Variants in TWIST1 observed in about 807,000 individuals in gnomAD.
TWIST1 encodes the protein twist family bHLH transcription factor 1.
TWIST1 carries 8 observed loss-of-function variants against 12.9 expected under a neutral mutation model. The observed-to-expected ratio is 0.62, with a 90% CI of 0.37 to 1.12. TWIST1 has a LOEUF of 1.12. TWIST1 is among the 50% of genes most tolerant of loss of function. The pLI, the probability that TWIST1 is intolerant of heterozygous loss-of-function variation, is 0.02. For synonymous variants in TWIST1, 169 were observed against 138.7 expected, an observed-to-expected ratio of 1.22 and a Z score of -1.54; for missense variants, 268 against 299.7, an observed-to-expected ratio of 0.89 and a Z score of 0.78.
downstream of TWIST1, chr7:19,113,702 T>C (rs1191310394): frequency 6.6e-6 from 1 of 152,216 alleles, no homozygotes; most frequent in Non-Finnish European, 1.5e-5. Context: ...TTCAGATTAG[T>C]ATTTAATATT....
chr7:19,116,665 C>T lies in TWIST1; in HGVS notation c.*42+6G>A. On this transcript the variant is annotated splice_donor_region_variant and intron_variant, in intron 1 of 1. Coordinates refer to ENST00000242261, the MANE Select transcript of TWIST1 (RefSeq NM_000474.4). ...AGGCGAAGGGGTGCAGCGGCGCGGT[C>T]CTTACCTAGGTCTCCGGCCCTGCTG... is the stretch of plus-strand genomic sequence containing the variant. The T allele has an allele frequency of 6.4e-7, 1 of 1,555,192 alleles. No individual in the cohort carries two copies. The highest frequency in any genetic ancestry group is 2.4e-5 in the East Asian group (1 of 41,680).
At position 19,117,409 on chromosome 7, in the gene TWIST1, C is replaced by T; in HGVS notation, c.-88G>A. On this transcript the variant is annotated 5_prime_UTR_variant, in exon 1 of 2. Transcript: ENST00000242261. ...GCCCGCCAGCTTCCCCCGCGCGCGG[C>T]GCCGGCCCGGGCGATGCGGCCCGCG... 1 of 1,236,674 alleles carries T rather than the reference C, an allele frequency of 8.1e-7. No individual in the cohort carries two copies. The allele number at this position is 1,236,674 out of a possible 1,614,324, so 76.6% of individuals were successfully genotyped here. A position where few individuals can be genotyped will look rare whatever the true frequency, so the allele number is the denominator to read the frequency against.
chr7:19,117,579 C>A lies in TWIST1; in HGVS notation c.-258G>T. The A allele has an allele frequency of 9.0e-7, 1 of 1,107,388 alleles. No homozygotes were observed. The highest frequency in any genetic ancestry group is 1.1e-6 in the Non-Finnish European group (1 of 898,708). The allele number at this position is 1,107,388 out of a possible 1,614,324, so 68.6% of individuals were successfully genotyped here. A position where few individuals can be genotyped will look rare whatever the true frequency, so the allele number is the denominator to read the frequency against. On this transcript the variant is annotated 5_prime_UTR_variant, in exon 1 of 2. Transcript: ENST00000242261. The stretch of plus-strand genomic sequence containing the variant: ...GCGCCCAACGGCTGGACGCACACCC[C>A]GCCAGGCCTCCTGGAAACGGTGCCG...
In TWIST1 at chr7:19,117,034, G is replaced by A. The variant is rs1485367266; in HGVS notation, c.288C>T (p.Gly96=). ...CCTCGTAAGACTGCGGACTCCCGCC[G>A]CCGCTGCTGCTGCCGCCGCCGCCGC... is the stretch of plus-strand genomic sequence containing the variant. ...GAGGGGGSSS[G]GGSPQSYEEL... The change falls in exon 1 of 2, where the codon GGC becomes GGT. Residue 96 remains glycine, a synonymous_variant. Coordinates refer to ENST00000242261, the MANE Select transcript of TWIST1 (RefSeq NM_000474.4). The A allele has an allele frequency of 8.8e-6, 13 of 1,477,160 alleles. No homozygotes were observed. Among genetic ancestry groups the A allele is most frequent in the Non-Finnish European group, 1.2e-5 (13 of 1,126,510 alleles). The allele number at this position is 1,477,160 out of a possible 1,614,324, so 91.5% of individuals were successfully genotyped here.
chr7:19,115,056 C>G (rs1463374674), downstream of TWIST1, among the ~76,000 whole-genome samples: 5 of 152,042 alleles, frequency 3.3e-5, no homozygotes, highest in African/African-American at 4.8e-5. Context: ...TATGTTTTCA[C>G]TGAAAAGAAC....
At position 19,117,057 on chromosome 7, in the gene TWIST1, CG is replaced by C; in HGVS notation, c.264del (p.Gly89AlafsTer36). The C allele has an allele frequency of 7.1e-7, 1 of 1,407,156 alleles. No homozygotes were observed. The highest frequency in any genetic ancestry group is 9.2e-7 in the Non-Finnish European group (1 of 1,090,818). 87.2% of individuals were successfully genotyped at this position (1,407,156 alleles called of 1,614,324 possible). ...CCGCCGCTGCTGCTGCCGCCGCCGC[CG>C]CCCGCGCCGCCGCCGCCGCCACAGC... is the stretch of plus-strand genomic sequence containing the variant. ...SAGCGGGGGA[G>X]GGGGSSSGGG... is the part of the protein sequence containing the mutation. On this transcript the variant is annotated frameshift_variant, in exon 1 of 2. Transcript: ENST00000242261. LOFTEE classifies it high-confidence loss of function.
chr7:19,117,293 A>G lies in TWIST1; in HGVS notation c.29T>C (p.Val10Ala). Residue 10 changes from valine (V) to alanine (A), a missense_variant, in exon 1 of 2, where the codon GTC becomes GCC. Transcript: ENST00000242261. MMQDVSSSP[V>A]SPADDSLSNS... ...GCTCAGGCTGTCGTCGGCCGGCGAG[A>G]CTGGCGAGCTGGACACGTCCTGCAT... 1 of 1,475,568 alleles carries G rather than the reference A, an allele frequency of 6.8e-7. No homozygotes were observed. The highest frequency in any genetic ancestry group is 2.2e-5 in the Admixed American group (1 of 45,022). 91.4% of individuals were successfully genotyped at this position (1,475,568 alleles called of 1,614,324 possible).
chr7:19,114,950 C>T (rs565572232), downstream of TWIST1, among the ~76,000 whole-genome samples: 1 of 152,300 alleles, frequency 6.6e-6, no homozygotes, highest in Non-Finnish European at 1.5e-5. Flanking sequence ...AAGCAAATTA[C>T]AAATGGAATT....
At chr7:19,113,400 T>C (rs776467089), downstream of TWIST1, 5 of 152,218 alleles carry the variant, frequency 3.3e-5, no homozygotes, top group African/African-American at 1.2e-4. Flanking sequence ...CAAGAGGTAA[T>C]TCATTCTATG....
chr7:19,115,464 A>G (rs1322813113), downstream of TWIST1: 3 of 152,640 alleles, frequency 2.0e-5, no homozygotes, highest in Non-Finnish European at 4.4e-5. Context: ...ACCAAACTCT[A>G]AGGTTCTCTA....
chr7:19,113,301 C>CTT, downstream of TWIST1: 1 of 152,308 alleles, frequency 6.6e-6, no homozygotes, highest in South Asian at 2.1e-4. Flanking sequence ...TAATACAATA[C>CTT]TTTCCCCTAG....
In TWIST1 at chr7:19,116,923, C is replaced by T; in HGVS notation, c.399G>A (p.Lys133=). 6.2e-7 allele frequency: 1 copy of T among 1,614,068 alleles called. No individual in the cohort carries two copies. The highest frequency in any genetic ancestry group is 8.5e-7 in the Non-Finnish European group (1 of 1,179,970). Residue 133 remains lysine, a synonymous_variant, in exon 1 of 2, where the codon AAG becomes AAA. Transcript: ENST00000242261. ...TGTCCGAGGGCAGCGTGGGGATGAT[C>T]TTCCGCAGCGCGGCGAACGCCTCGT... The part of the protein sequence containing the change: ...SLNEAFAALR[K]IIPTLPSDKL...
At position 19,117,588 on chromosome 7, in the gene TWIST1, T is replaced by G. The variant is rs1788606290; in HGVS notation, c.-267A>C. 3 of 1,100,524 alleles carry G rather than the reference T, an allele frequency of 2.7e-6. No homozygotes were observed. In the Admixed American group the frequency reaches 1.6e-4, roughly 60 times the overall value. 68.2% of individuals were successfully genotyped at this position (1,100,524 alleles called of 1,614,324 possible). A position where few individuals can be genotyped will look rare whatever the true frequency, so the allele number is the denominator to read the frequency against. ...GGCTGGACGCACACCCCGCCAGGCC[T>G]CCTGGAAACGGTGCCGGTGCTGCAG... On this transcript the variant is annotated 5_prime_UTR_variant, in exon 1 of 2. Coordinates refer to ENST00000242261, the MANE Select transcript of TWIST1 (RefSeq NM_000474.4).
In TWIST1 at chr7:19,115,614, G is replaced by GT. The variant is rs1435388179; in HGVS notation, c.*559dup. The stretch of plus-strand genomic sequence containing the variant: ...ATAAATAAATAGAATGTTGTTTTTT[G>GT]TATTTTAAGTTTTTTTTTGTTTTTC... On this transcript the variant is annotated 3_prime_UTR_variant, in exon 2 of 2. Coordinates refer to ENST00000242261, the MANE Select transcript of TWIST1 (RefSeq NM_000474.4). 3 of 152,048 alleles carry GT rather than the reference G, an allele frequency of 2.0e-5. No homozygotes were observed. The highest frequency in any genetic ancestry group is 4.4e-5 in the Non-Finnish European group (3 of 67,916). The allele number at this position is 152,048 out of a possible 1,614,324, so 9.4% of individuals were successfully genotyped here.
rs199932465 is a variant in TWIST1, at chr7:19,116,992, C to T, written c.330G>A (p.Arg110=). The T allele has an allele frequency of 1.7e-4, 274 of 1,609,740 alleles. 1 individual carries two copies. The highest frequency in any genetic ancestry group is 5.2e-4 in the South Asian group (47 of 90,944). ...PQSYEELQTQ[R]VMANVRERQR... ...GGCGCTCCCGCACGTTGGCCATGAC[C>T]CGCTGCGTCTGCAGCTCCTCGTAAG... Residue 110 remains arginine (R), a synonymous_variant, in exon 1 of 2, where the codon CGG becomes CGA. Transcript: ENST00000242261.
chr7:19,115,122 AG>A (rs1295202238), downstream of TWIST1, among the ~76,000 whole-genome samples: 21 of 152,204 alleles, frequency 1.4e-4, no homozygotes, highest in Non-Finnish European at 1.5e-5. Flanking sequence ...GTACATAATA[AG>A]AGAATAGTGC....
At chr7:19,114,443 C>T (rs998378364), downstream of TWIST1, among the ~76,000 whole-genome samples, 1 of 152,204 alleles carries the variant, frequency 6.6e-6, no homozygotes, top group Admixed American at 6.5e-5. Context: ...AGTTTGAAAG[C>T]TTCCCCAGTT....
chr7:19,117,130 G>C lies in TWIST1; in HGVS notation c.192C>G (p.Asp64Glu). 8.0e-6 allele frequency: 9 copies of C among 1,121,800 alleles called. No homozygotes were observed. The highest frequency in any genetic ancestry group is 9.8e-6 in the Non-Finnish European group (9 of 918,866). The allele number at this position is 1,121,800 out of a possible 1,614,324, so 69.5% of individuals were successfully genotyped here. A position where few individuals can be genotyped will look rare whatever the true frequency, so the allele number is the denominator to read the frequency against. The stretch of plus-strand genomic sequence containing the variant: ...TGCCCTGGGCCGGGCTGCCCGGCTC[G>C]TCGCCGCCTCCGACGCCCCCACCCG... ...GAAGGGVGGG[D>E]EPGSPAQGKR... The change falls in exon 1 of 2, where the codon GAC becomes GAG. Residue 64 changes from aspartate (D) to glutamate (E), a missense_variant. Physicochemically the swap from Asp to Glu is conservative, Grantham distance 45 (BLOSUM62 2). Around this residue, in one of 2 missense-constraint regions of TWIST1, gnomAD observed 189 missense variants for 172.1 expected, o/e 1.10. Transcript: ENST00000242261.
At chr7:19,116,625 C>T in intron 1 of TWIST1, 46 bp downstream of exon 1, 3 of 1,451,888 alleles carry the variant, frequency 2.1e-6, no homozygotes, top group East Asian at 2.5e-5. Context: ...GCCGGCCTGC[C>T]GTCTGCCACC....
Sources: allele counts gnomAD v4.1 joint callset (sites outside exome capture counted in the v4.1 genomes callset), GRCh38; gene constraint gnomAD v4.1.1; regional missense constraint gnomAD v4.1.1; transcripts MANE v1.5; gene names NCBI Gene and HGNC (gene_info 2026-07-23, HGNC 2026-07-21).